Variants in PCDH17 observed in about 807,000 individuals in gnomAD.
PCDH17 encodes the protein protocadherin-17.
Under a neutral mutation model 67.7 loss-of-function variants are expected in PCDH17, and 21 were observed. The ratio of observed to expected loss-of-function variants is 0.31; its 90% CI spans 0.22 to 0.45. The LOEUF (loss-of-function observed/expected upper bound fraction) is 0.45. Ranked by LOEUF, PCDH17 falls within the 20% of genes least tolerant of loss-of-function variation. PCDH17 has a pLI of 1.00. For synonymous variants in PCDH17, 701 were observed against 656.7 expected, an observed-to-expected ratio of 1.07 and a Z score of -1.03; for missense variants, 1,471 against 1,564.8, an observed-to-expected ratio of 0.94 and a Z score of 1.01.
At chr13:57,698,517 A>T (rs916220079) in intron 3 of PCDH17, among the ~76,000 whole-genome samples, 1 of 151,916 alleles carries the variant, frequency 6.6e-6, no homozygotes, top group Non-Finnish European at 1.5e-5. Context: ...ATTTTACAAT[A>T]TGGGCACTAT....
intron 3 of PCDH17, among the ~76,000 whole-genome samples, chr13:57,705,439 A>T (rs1460034575): frequency 6.6e-6 from 1 of 152,098 alleles, no homozygotes; most frequent in Non-Finnish European, 1.5e-5. Context: ...TAAGTATCTG[A>T]CTAAGAACAT....
At chr13:57,650,675 G>A (rs1955025395) in intron 1 of PCDH17, among the ~76,000 whole-genome samples, 1 of 151,724 alleles carries the variant, frequency 6.6e-6, no homozygotes, top group Admixed American at 6.6e-5. Context: ...CTTATATATT[G>A]CAAATATTCT....
chr13:57,715,365 CAATT>C (rs1955808603), intron 3 of PCDH17, among the ~76,000 whole-genome samples: 2 of 151,728 alleles, frequency 1.3e-5, no homozygotes, highest in Non-Finnish European at 1.5e-5. Flanking sequence ...TCCTTTCCAT[CAATT>C]AAAGCGTCTG....
At chr13:57,722,538 A>T (rs1168715934) in intron 3 of PCDH17, among the ~76,000 whole-genome samples, 1 of 152,168 alleles carries the variant, frequency 6.6e-6, no homozygotes, top group Admixed American at 6.5e-5. Flanking sequence ...AATATTTATG[A>T]TTCCCATTTA....
chr13:57,725,180 C>A lies in PCDH17; in HGVS notation c.3366C>A (p.Asp1122Glu), dbSNP rs770649323. The A allele has an allele frequency of 3.7e-6, 6 of 1,613,940 alleles. No individual in the cohort carries two copies. Among genetic ancestry groups the A allele is most frequent in the Non-Finnish European group, 5.1e-6 (6 of 1,179,968 alleles). Residue 1122 changes from aspartate (D) to glutamate (E), a missense_variant, in exon 4 of 4, where the codon GAC becomes GAA. Physicochemically the swap from Asp to Glu is conservative, Grantham distance 45. Transcript: ENST00000377918. ...SEMGAVLEQL[D>E]HPNRDLGRES... is the part of the protein sequence containing the mutation. Reference sequence around the variant, plus strand: ...TGGGTGCTGTTCTTGAGCAGCTTGACCACCCCAACAGGGATCTGGGCAGAG... The same window carrying A: ...TGGGTGCTGTTCTTGAGCAGCTTGAACACCCCAACAGGGATCTGGGCAGAG...
chr13:57,633,992 C>T lies in PCDH17; in HGVS notation c.1446C>T (p.His482=), dbSNP rs766794348. ...FTKGLYVLQV[H]ENNIPGEYLG... ...AAGGGCTCTACGTGCTTCAGGTGCA[C>T]GAGAACAACATCCCGGGAGAGTACC... Residue 482 remains histidine, a synonymous_variant, in exon 1 of 4, where the codon CAC becomes CAT. Coordinates refer to ENST00000377918, the MANE Select transcript of PCDH17 (RefSeq NM_001040429.3). This position sits in a 1 kb window ranked among gnomAD's most constrained non-coding sequence, Gnocchi z 6.2. 3 of 1,613,596 alleles carry T rather than the reference C, an allele frequency of 1.9e-6. No individual in the cohort carries two copies. In the South Asian group the frequency reaches 3.3e-5, roughly 18 times the overall value.
rs572456598 is a variant in PCDH17 at position 57,709,400 on chromosome 13, C to T, written c.2798-15212C>T. Among the ~76,000 whole-genome samples the T allele has an allele frequency of 9.6e-4, 145 of 151,734 alleles. 1 individual carries two copies. The highest frequency in any genetic ancestry group is 3.4e-3 in the Middle Eastern group (1 of 294). On this transcript the variant is annotated intron_variant, in intron 3 of 3. Coordinates refer to ENST00000377918, the MANE Select transcript of PCDH17 (RefSeq NM_001040429.3). ...ATGCATCATCATCATGAGTGTATTT[C>T]TTCCATGGACCTAGGAATACATCTT...
intron 1 of PCDH17, among the ~76,000 whole-genome samples, chr13:57,636,618 A>G (rs1593890635): frequency 6.6e-6 from 1 of 152,262 alleles, no homozygotes; most frequent in African/African-American, 2.4e-5. Context: ...TTTAAGGTCT[A>G]TATAAAACTG....
chr13:57,683,162 C>G (rs1955471139), intron 3 of PCDH17, among the ~76,000 whole-genome samples: 1 of 151,818 alleles, frequency 6.6e-6, no homozygotes, highest in African/African-American at 2.4e-5. Flanking sequence ...GAAGTTCTAA[C>G]CAGCCTAGGT....
chr13:57,711,673 A>AAGAGCCT (rs1298959008), intron 3 of PCDH17, among the ~76,000 whole-genome samples: 28 of 151,716 alleles, frequency 1.8e-4, no homozygotes, highest in Non-Finnish European at 4.0e-4. Flanking sequence ...AATTTAGAAT[A>AAGAGCCT]CAATTGTTGA....
chr13:57,639,449 T>C (rs1954864101), intron 1 of PCDH17, among the ~76,000 whole-genome samples: 1 of 151,824 alleles, frequency 6.6e-6, no homozygotes. Context: ...TAATGTGGCA[T>C]TTCTCTATTT....
In PCDH17 at chr13:57,666,445, AT is replaced by A. The variant is rs749346326; in HGVS notation, c.2566-16del. ...ATTTGTCCAGTGTACAACTATACGT[AT>A]TTTTTTCCTTCTCTTTCACAGACAG... On this transcript the variant is annotated intron_variant, in intron 1 of 3. Transcript: ENST00000377918. The A allele has an allele frequency of 1.9e-5, 31 of 1,597,704 alleles. No homozygotes were observed. The South Asian group carries it at 3.1e-4, about 16-fold the overall frequency.
At chr13:57,683,154 A>C (rs2138050900) in intron 3 of PCDH17, among the ~76,000 whole-genome samples, 1 of 152,016 alleles carries the variant, frequency 6.6e-6, no homozygotes, top group African/African-American at 2.4e-5. Context: ...GAAATAATGA[A>C]GTTCTAACCA....
At chr13:57,692,905 TA>T (rs1438155313) in intron 3 of PCDH17, among the ~76,000 whole-genome samples, 1 of 151,190 alleles carries the variant, frequency 6.6e-6, no homozygotes, top group Non-Finnish European at 1.5e-5. Flanking sequence ...AATTTTTATT[TA>T]TTTGAACTTG....
intron 3 of PCDH17, among the ~76,000 whole-genome samples, chr13:57,702,137 C>T (rs1222715996): frequency 3.3e-5 from 5 of 152,054 alleles, no homozygotes; most frequent in South Asian, 4.2e-4. Context: ...AGGATGGTCT[C>T]GAGCTCCTGA....
At chr13:57,703,402 G>A (rs1269597883) in intron 3 of PCDH17, among the ~76,000 whole-genome samples, 4 of 152,082 alleles carry the variant, frequency 2.6e-5, no homozygotes, top group African/African-American at 9.7e-5. Flanking sequence ...TAAATCTAGG[G>A]ATGCAAGAAA....
chr13:57,710,690 A>G (rs759788957), intron 3 of PCDH17, among the ~76,000 whole-genome samples: 8 of 151,946 alleles, frequency 5.3e-5, no homozygotes, highest in Admixed American at 2.6e-4. Flanking sequence ...TTTAATCACT[A>G]CTTAAGAAAA....
chr13:57,636,890 G>C (rs187760118), intron 1 of PCDH17, among the ~76,000 whole-genome samples: 38 of 152,196 alleles, frequency 2.5e-4, no homozygotes, highest in Admixed American at 1.2e-3. Flanking sequence ...TTTTCATTTA[G>C]TTTCCAGTAA....
At position 57,634,103 on chromosome 13, in the gene PCDH17, G is replaced by C. The variant is rs1244676870; in HGVS notation, c.1557G>C (p.Val519=). The C allele has an allele frequency of 6.2e-7, 1 of 1,612,990 alleles. No homozygotes were observed. The highest frequency in any genetic ancestry group is 1.1e-5 in the South Asian group (1 of 91,034). Residue 519 remains valine, a synonymous_variant, in exon 1 of 4, where the codon GTG becomes GTC. Coordinates refer to ENST00000377918, the MANE Select transcript of PCDH17 (RefSeq NM_001040429.3). This position sits in a 1 kb window ranked among gnomAD's most constrained non-coding sequence, Gnocchi z 7.8. ...YSILPSHIGD[V]SIYTYVSVNP... ...TCCTGCCCTCGCACATCGGCGACGT[G>C]TCTATCTACACCTATGTGTCTGTGA...
Sources: allele counts gnomAD v4.1 joint callset (sites outside exome capture counted in the v4.1 genomes callset), GRCh38; gene constraint gnomAD v4.1.1; non-coding constraint Gnocchi (gnomAD v3.1); transcripts MANE v1.5; gene names NCBI Gene and HGNC (gene_info 2026-07-23, HGNC 2026-07-21).